The following SUN5 variants were observed in gnomAD, a reference collection of about 807,000 sequenced individuals.
SUN5 encodes SUN domain-containing protein 5.
Under a neutral mutation model 53.7 loss-of-function variants are expected in SUN5, and 44 were observed. The ratio of observed to expected loss-of-function variants is 0.82; its 90% CI spans 0.64 to 1.05. The LOEUF (loss-of-function observed/expected upper bound fraction) is 1.05, where lower values mean the gene tolerates loss of function less well. Among genes scored for constraint, SUN5 ranks in the 50% least tolerant of loss-of-function variants. The pLI is 0.00. For missense variants in SUN5, 433 were observed against 483.8 expected, an observed-to-expected ratio of 0.90 and a Z score of 0.98; for synonymous variants, 166 against 179.8, an observed-to-expected ratio of 0.92 and a Z score of 0.62.
At chr20:33,003,030 C>T in intron 1 of SUN5, 111 bp from the exon 2 acceptor site, 2 of 1,201,156 alleles carry the variant, frequency 1.7e-6, no homozygotes, top group South Asian at 2.8e-5. Context: ...AGAAGGTTTC[C>T]CAACACCACC....
At chr20:32,987,415 C>T (rs1045892224) in intron 10 of SUN5, among the ~76,000 whole-genome samples, 5 of 152,062 alleles carry the variant, frequency 3.3e-5, no homozygotes, top group African/African-American at 1.2e-4. Context: ...ACCCTAGCCC[C>T]AGCAGCCCCT....
chr20:32,985,283 G>GGA, intron 11 of SUN5, 98 bp from the exon 12 acceptor site: 1 of 1,075,156 alleles, frequency 9.3e-7, no homozygotes, highest in African/African-American at 1.6e-5. Flanking sequence ...CCCCAGGATG[G>GGA]GAGCTCACTA....
At chr20:32,987,864 C>T (rs995617281) in intron 9 of SUN5, 89 bp from the exon 10 acceptor site, 14 of 1,053,118 alleles carry the variant, frequency 1.3e-5, no homozygotes, top group South Asian at 4.4e-5. Context: ...ATGTGCCGGG[C>T]GAGCATTTTG....
chr20:32,991,118 T>C (rs6058997), intron 8 of SUN5, among the ~76,000 whole-genome samples: 52,357 of 151,928 alleles, frequency 0.34, 9,698 homozygotes, highest in East Asian at 0.79. Flanking sequence ...TCGCCAACCC[T>C]AAGGAATTTC....
chr20:33,001,655 C>CTCCCTCCCTCCCTCCCTCCCTCCT (rs1568971183), intron 3 of SUN5, among the ~76,000 whole-genome samples: 1 of 123,390 alleles, frequency 8.1e-6, no homozygotes, highest in African/African-American at 3.1e-5. Context: ...CCCTCCCTCC[C>CTCCCTCCCTCCCTCCCTCCCTCCT]TCCCTCCCTC....
chr20:32,984,928 C>A (rs1032275716), intron 12 of SUN5, among the ~76,000 whole-genome samples, 171 bp downstream of exon 12: 1 of 152,204 alleles, frequency 6.6e-6, no homozygotes, highest in African/African-American at 2.4e-5. Flanking sequence ...TCCCATTTGG[C>A]CCTGGGTAGC....
Position 32,996,347 on chromosome 20 carries a change from T to G in SUN5, c.402A>C (p.Ile134=). 1 of 1,613,346 alleles carries G rather than the reference T, an allele frequency of 6.2e-7. No homozygotes were observed. The highest frequency in any genetic ancestry group is 1.7e-5 in the Admixed American group (1 of 60,016). The part of the protein sequence containing the change: ...SKMKVWQDDS[I]NGPLQSLRLY... ...ACCTCAAGCTCTGCAGTGGACCATT[T>G]ATGCTGTCATCCTGGTGGAGTATTG... Residue 134 remains isoleucine (I), a synonymous_variant, in exon 7 of 13, where the codon ATA becomes ATC. Coordinates refer to ENST00000356173, the MANE Select transcript of SUN5 (RefSeq NM_080675.4).
At chr20:33,004,206 G>A (rs1025957173) in intron 1 of SUN5, 58 bp downstream of exon 1, 4 of 1,489,030 alleles carry the variant, frequency 2.7e-6, no homozygotes, top group Non-Finnish European at 3.6e-6. Flanking sequence ...ACAGGGTGGA[G>A]GGGCAGCATT....
At chr20:32,999,797 G>A in intron 5 of SUN5, 1 of 939,454 alleles carries the variant, frequency 1.1e-6, no homozygotes, top group South Asian at 1.7e-5. Context: ...TGCGAGGTGG[G>A]GGTGGTGGCT....
chr20:32,993,398 C>G (rs918860983), intron 8 of SUN5, among the ~76,000 whole-genome samples: 1 of 152,186 alleles, frequency 6.6e-6, no homozygotes, highest in Non-Finnish European at 1.5e-5. Flanking sequence ...TAGGCATAGG[C>G]TAAGGATCTG....
intron 9 of SUN5, 30 bp from the exon 10 acceptor site, chr20:32,987,805 C>T (rs1989588489): frequency 6.3e-7 from 1 of 1,584,918 alleles, no homozygotes; most frequent in African/African-American, 1.3e-5. Context: ...CTCAGCCAAG[C>T]AGCCGGGCTT....
At chr20:32,991,396 T>A (rs970050246) in intron 8 of SUN5, among the ~76,000 whole-genome samples, 11 of 152,250 alleles carry the variant, frequency 7.2e-5, no homozygotes, top group African/African-American at 2.7e-4. Context: ...CCATGTTTAA[T>A]CCTTACAACT....
intron 8 of SUN5, among the ~76,000 whole-genome samples, chr20:32,992,627 G>A (rs1378023356): frequency 2.0e-5 from 3 of 152,164 alleles, no homozygotes; most frequent in Non-Finnish European, 4.4e-5. Flanking sequence ...AGACATTTTT[G>A]TTCATCACCA....
At chr20:32,999,541 G>A (rs1019500597) in intron 5 of SUN5, among the ~76,000 whole-genome samples, 6 of 152,004 alleles carry the variant, frequency 3.9e-5, no homozygotes, top group East Asian at 1.9e-4. Flanking sequence ...GCAGTGAGCC[G>A]AGGTTGCGCC....
At chr20:32,984,148 A>G (rs1989470418) in intron 12 of SUN5, among the ~76,000 whole-genome samples, 199 bp from the exon 13 acceptor site, 1 of 152,236 alleles carries the variant, frequency 6.6e-6, no homozygotes, top group African/African-American at 2.4e-5. Context: ...AGAAGGACAG[A>G]CATGCTGTGG....
chr20:32,984,670 C>A (rs1370647015), intron 12 of SUN5, among the ~76,000 whole-genome samples: 3 of 152,216 alleles, frequency 2.0e-5, no homozygotes, highest in Non-Finnish European at 1.5e-5. Flanking sequence ...CCAGTGGTCA[C>A]TCCTCCGGAC....
At position 32,995,703 on chromosome 20, in the gene SUN5, A is replaced by G. The variant is rs776732924; in HGVS notation, c.450T>C (p.His150=). The G allele has an allele frequency of 6.2e-7, 1 of 1,614,122 alleles. No individual in the cohort carries two copies. Among genetic ancestry groups the G allele is most frequent in the Non-Finnish European group, 8.5e-7 (1 of 1,180,026 alleles). ...SLRLYQEKVR[H]HSGEIQDLRG... Reference sequence around the variant, plus strand: ...GGAGGTCCTGGATTTCCCCACTGTGATGTCGCACCTTCTCCTGGTACAACC... The same window carrying G: ...GGAGGTCCTGGATTTCCCCACTGTGGTGTCGCACCTTCTCCTGGTACAACC... The change falls in exon 8 of 13, where the codon CAT becomes CAC. Residue 150 remains histidine (H), a synonymous_variant. Transcript: ENST00000356173.
At chr20:32,989,816 C>G in intron 8 of SUN5, 118 bp from the exon 9 acceptor site, 2 of 827,440 alleles carry the variant, frequency 2.4e-6, no homozygotes, top group Admixed American at 2.1e-5. Flanking sequence ...AACAGCCCAC[C>G]CCTGCCTGTG....
intron 4 of SUN5, 54 bp downstream of exon 4, chr20:33,001,158 C>T (rs1989995079): frequency 2.6e-6 from 4 of 1,541,662 alleles, no homozygotes; most frequent in East Asian, 2.4e-5. Context: ...TGTTATGGTC[C>T]CCAGCTGCCA....
Sources: gnomAD v4.1 joint callset for allele counts (sites outside exome capture counted in the v4.1 genomes callset) on GRCh38, gnomAD v4.1.1 for gene constraint, MANE v1.5 for transcripts, NCBI Gene and HGNC (gene_info 2026-07-23, HGNC 2026-07-21) for gene names.